CFAP299: variants seen among roughly 807,000 people sequenced by gnomAD.
The protein encoded by CFAP299 is cilia- and flagella-associated protein 299.
A neutral mutation model predicts 27.0 loss-of-function variants in CFAP299; 21 were observed. The ratio of observed to expected loss-of-function variants is 0.78; its 90% CI spans 0.55 to 1.12. CFAP299 has a LOEUF of 1.12. CFAP299 is among the 50% of genes most tolerant of loss of function. The pLI is 0.00. For missense variants in CFAP299, 310 were observed against 276.6 expected (o/e 1.12, Z -0.86); for synonymous variants, 104 against 98.1 (o/e 1.06, Z -0.36).
intron 4 of CFAP299, among the ~76,000 whole-genome samples, chr4:80,940,913 A>C (rs925926383): frequency 1.3e-5 from 2 of 152,188 alleles, no homozygotes; most frequent in South Asian, 4.1e-4. Context: ...CTGAGATGAT[A>C]TAGTTCTGTA....
chr4:80,650,882 G>A (rs935113218), intron 3 of CFAP299, among the ~76,000 whole-genome samples: 1 of 151,906 alleles, frequency 6.6e-6, no homozygotes, highest in Non-Finnish European at 1.5e-5. Flanking sequence ...AAGGGGGTGC[G>A]GGATATAAGA....
At chr4:80,850,984 A>G (rs1731489694) in intron 3 of CFAP299, among the ~76,000 whole-genome samples, 1 of 152,134 alleles carries the variant, frequency 6.6e-6, no homozygotes, top group South Asian at 2.1e-4. Flanking sequence ...GATAGTGTAG[A>G]TATTTGTTCT....
intron 3 of CFAP299, among the ~76,000 whole-genome samples, chr4:80,717,706 TTAGTTC>T (rs1722567571): frequency 6.6e-6 from 1 of 152,168 alleles, no homozygotes; most frequent in South Asian, 2.1e-4. Flanking sequence ...TTTACATTCA[TTAGTTC>T]TAATTTTATC....
chr4:80,665,837 A>G (rs1741120320), intron 3 of CFAP299, among the ~76,000 whole-genome samples: 1 of 152,064 alleles, frequency 6.6e-6, no homozygotes, highest in African/African-American at 2.4e-5. Context: ...ATAGTGAGTG[A>G]GTCCTTGTGA....
intron 4 of CFAP299, among the ~76,000 whole-genome samples, chr4:80,902,911 T>C (rs1205430982): frequency 6.6e-6 from 1 of 151,932 alleles, no homozygotes; most frequent in Non-Finnish European, 1.5e-5. Flanking sequence ...TACAAACAAA[T>C]CATAAGTAAA....
intron 3 of CFAP299, among the ~76,000 whole-genome samples, chr4:80,738,841 A>G (rs760132721): frequency 1.3e-5 from 2 of 151,446 alleles, no homozygotes; most frequent in Non-Finnish European, 2.9e-5. Context: ...TATTCCTTTT[A>G]GTGAAGGTGA....
chr4:80,843,752 A>AT (rs111878248), intron 3 of CFAP299, among the ~76,000 whole-genome samples: 7,225 of 151,094 alleles, frequency 0.048, 408 homozygotes, highest in African/African-American at 0.14. Flanking sequence ...TTGTTTCCTG[A>AT]TTTTTTTTTA....
At chr4:80,461,316 A>C (rs1405928605) in intron 2 of CFAP299, among the ~76,000 whole-genome samples, 2 of 152,198 alleles carry the variant, frequency 1.3e-5, no homozygotes, top group Non-Finnish European at 2.9e-5. Flanking sequence ...CCCACAAGAG[A>C]CAGCTTTACA....
chr4:80,579,479 A>G (rs1175640352), intron 2 of CFAP299, among the ~76,000 whole-genome samples: 1 of 152,152 alleles, frequency 6.6e-6, no homozygotes, highest in South Asian at 2.1e-4. Flanking sequence ...AGGGACAGTA[A>G]GAATTCTATT....
intron 3 of CFAP299, among the ~76,000 whole-genome samples, chr4:80,803,701 A>C (rs1020792758): frequency 4.7e-5 from 7 of 149,618 alleles, no homozygotes; most frequent in African/African-American, 1.5e-4. Flanking sequence ...AATATACAGA[A>C]TATACTACAT....
chr4:80,860,571 T>G (rs2110158117), intron 3 of CFAP299, among the ~76,000 whole-genome samples: 1 of 152,302 alleles, frequency 6.6e-6, no homozygotes, highest in Non-Finnish European at 1.5e-5. Flanking sequence ...GATGGTGATG[T>G]ACAGATGGGT....
At chr4:80,916,778 C>T (rs1735787509) in intron 4 of CFAP299, among the ~76,000 whole-genome samples, 1 of 151,890 alleles carries the variant, frequency 6.6e-6, no homozygotes, top group Non-Finnish European at 1.5e-5. Flanking sequence ...AAAGTCAAGC[C>T]AAACTGCCAG....
At chr4:80,870,300 G>A (rs1733007635) in intron 4 of CFAP299, 165 bp downstream of exon 4, 2 of 1,247,820 alleles carry the variant, frequency 1.6e-6, no homozygotes, top group South Asian at 3.2e-5. Context: ...AAGCATAGAT[G>A]CATTGTTTTT....
chr4:80,700,570 C>T (rs1721411691), intron 3 of CFAP299, among the ~76,000 whole-genome samples: 1 of 151,998 alleles, frequency 6.6e-6, no homozygotes, highest in Admixed American at 6.6e-5. Flanking sequence ...ATAACTGGAG[C>T]TCTAGTGCGA....
Position 80,913,256 on chromosome 4 carries a change from A to G in CFAP299, c.477-31554A>G, listed in dbSNP as rs370570268. ...CAGCAAGGGAGCCATCCCAGCTGACAAAGAAGAAAATAAATATATTATATG... is the reference window on the plus strand; with the variant it reads ...CAGCAAGGGAGCCATCCCAGCTGACGAAGAAGAAAATAAATATATTATATG... On this transcript the variant is annotated intron_variant, in intron 4 of 5. Coordinates refer to ENST00000358105, the MANE Select transcript of CFAP299 (RefSeq NM_152770.3). Among the ~76,000 whole-genome samples, 110 of 152,342 alleles carry G rather than the reference A, an allele frequency of 7.2e-4. 2 individuals are homozygous for G. In the South Asian group the frequency reaches 0.021, roughly 30 times the overall value.
At chr4:80,716,472 A>G (rs955954586) in intron 3 of CFAP299, among the ~76,000 whole-genome samples, 2 of 151,734 alleles carry the variant, frequency 1.3e-5, no homozygotes, top group Admixed American at 6.6e-5. Flanking sequence ...CTGATGACAC[A>G]TGATACACCC....
At chr4:80,667,520 G>T (rs140398588) in intron 3 of CFAP299, among the ~76,000 whole-genome samples, 2 of 151,802 alleles carry the variant, frequency 1.3e-5, no homozygotes, top group East Asian at 1.9e-4. Flanking sequence ...CTGTCCTCTG[G>T]TCACCACCAA....
intron 3 of CFAP299, among the ~76,000 whole-genome samples, chr4:80,713,877 T>C (rs1722319505): frequency 6.6e-6 from 1 of 152,224 alleles, no homozygotes; most frequent in Admixed American, 6.5e-5. Context: ...TGGCTGCTTT[T>C]GCATTTGGTT....
chr4:80,674,233 T>G (rs1719232543), intron 3 of CFAP299, among the ~76,000 whole-genome samples: 1 of 152,214 alleles, frequency 6.6e-6, no homozygotes, highest in African/African-American at 2.4e-5. Flanking sequence ...ACAAAATCTC[T>G]CAGCATTTGC....
Sources: allele counts gnomAD v4.1 joint callset (sites outside exome capture counted in the v4.1 genomes callset), GRCh38; gene constraint gnomAD v4.1.1; transcripts MANE v1.5; gene names NCBI Gene and HGNC (gene_info 2026-07-23, HGNC 2026-07-21).